CATSPER4: variants seen among roughly 807,000 people sequenced by gnomAD.
CATSPER4 encodes cation channel sperm associated 4, also known as cation channel sperm-associated protein 4.
A neutral mutation model predicts 54.4 loss-of-function variants in CATSPER4; 46 were observed. The observed-to-expected ratio is 0.84, with a 90% CI of 0.67 to 1.08. CATSPER4 has a LOEUF of 1.08. Among genes scored for constraint, CATSPER4 ranks in the 50% least tolerant of loss-of-function variants. CATSPER4 has a pLI of 0.00. For missense variants in CATSPER4, 574 were observed against 612.8 expected (o/e 0.94, Z 0.67); for synonymous variants, 230 against 231.9 (o/e 0.99, Z 0.08).
chr1:26,193,692 C>A, intron 2 of CATSPER4, 95 bp from the exon 3 acceptor site: 1 of 796,728 alleles, frequency 1.3e-6, no homozygotes, highest in Non-Finnish European at 2.3e-6. Flanking sequence ...TGATACGGGA[C>A]TTCCCTCCCC....
chr1:26,201,385 A>G lies in CATSPER4; in HGVS notation c.1231A>G (p.Asn411Asp). 2.5e-6 allele frequency: 4 copies of G among 1,614,144 alleles called. No homozygotes were observed. Among genetic ancestry groups the G allele is most frequent in the Non-Finnish European group, 3.4e-6 (4 of 1,180,010 alleles). ...IVEEVRAIRF[N>D]QEQESEVLNR... ...GGAGGAGGTGCGCGCAATCCGCTTC[A>G]ACCAGGAGCAGGAGTCAGAGGTGTT... is the stretch of plus-strand genomic sequence containing the variant. The change falls in exon 9 of 10, where the codon AAC (asparagine) becomes GAC (aspartate). Residue 411 changes from asparagine (N) to aspartate (D), a missense_variant. Transcript: ENST00000456354.
At chr1:26,194,877 A>G (rs1304271544) in intron 3 of CATSPER4, among the ~76,000 whole-genome samples, 1 of 152,090 alleles carries the variant, frequency 6.6e-6, no homozygotes, top group East Asian at 1.9e-4. Context: ...ACTTGAGGCT[A>G]GGAGTTTGAG....
At chr1:26,202,456 G>T (rs890507997) in intron 9 of CATSPER4, 33 bp from the exon 10 acceptor site, 6 of 1,599,220 alleles carry the variant, frequency 3.8e-6, no homozygotes, top group Non-Finnish European at 5.1e-6. Flanking sequence ...CGGGGGGAGT[G>T]GGGGATTAAC....
intron 6 of CATSPER4, among the ~76,000 whole-genome samples, chr1:26,198,956 G>C (rs1258477977): frequency 6.6e-6 from 1 of 152,174 alleles, no homozygotes; most frequent in Non-Finnish European, 1.5e-5. Context: ...TAGAAGCCCA[G>C]TAGATAAAGG....
intron 1 of CATSPER4, 94 bp downstream of exon 1, chr1:26,190,934 C>A: frequency 1.6e-6 from 2 of 1,230,688 alleles, no homozygotes; most frequent in Non-Finnish European, 2.3e-6. Flanking sequence ...ACCCTCTAAA[C>A]GCCCCCAGAA....
rs1280625768 is a variant in CATSPER4 at position 26,201,490 on chromosome 1, T to C, written c.1336T>C (p.Leu446=). 1 of 1,613,894 alleles carries C rather than the reference T, an allele frequency of 6.2e-7. No homozygotes were observed. The highest frequency in any genetic ancestry group is 1.7e-5 in the Admixed American group (1 of 60,010). Residue 446 remains leucine, a synonymous_variant, in exon 9 of 10, where the codon TTG becomes CTG. Coordinates refer to ENST00000456354, the MANE Select transcript of CATSPER4 (RefSeq NM_198137.2). ...DIRQMSQQQD[L]LSALVSMEKV... is the part of the protein sequence containing the mutation. ...CCGCCAGATGTCTCAACAGCAAGAC[T>C]TGCTCAGTGCGCTCGTTAGCATGGA...
chr1:26,200,210 C>A (rs1230218772), intron 7 of CATSPER4, 152 bp downstream of exon 7: 7 of 825,008 alleles, frequency 8.5e-6, no homozygotes, highest in Non-Finnish European at 1.1e-5. Context: ...ATCTTGAGTG[C>A]CCACCCACCA....
rs918942442 is a variant in CATSPER4, at chr1:26,200,065, G to A, written c.987+7G>A. The stretch of plus-strand genomic sequence containing the variant: ...ACGAATAACCTTTAGTGAGGTGCGT[G>A]GGATGGGGAGGGCAGAAGGGAGGAA... On this transcript the variant is annotated splice_region_variant and intron_variant, in intron 7 of 9. Transcript: ENST00000456354. 1.2e-6 allele frequency: 2 copies of A among 1,611,432 alleles called. No individual in the cohort carries two copies. Among genetic ancestry groups the A allele is most frequent in the Non-Finnish European group, 1.7e-6 (2 of 1,178,656 alleles).
In CATSPER4 at chr1:26,200,867, C is replaced by T. The variant is rs755261081; in HGVS notation, c.1025C>T (p.Pro342Leu). Residue 342 changes from proline to leucine, a missense_variant, in exon 8 of 10, where the codon CCA (proline) becomes CTA (leucine). Transcript: ENST00000456354. ...AEEEEENDQLPLVHCVVARSE... is the reference protein window; with the variant it reads ...AEEEEENDQLLLVHCVVARSE... ...GAAGAGGAGGAGAATGACCAGCTGC[C>T]ACTGGTGCATTGTGTGGTCGCCCGC... 3.1e-6 allele frequency: 5 copies of T among 1,614,002 alleles called. No individual in the cohort carries two copies. The highest frequency in any genetic ancestry group is 1.3e-5 in the African/African-American group (1 of 74,924).
rs41310785 is a variant in CATSPER4, at chr1:26,201,393, G to A, written c.1239G>A (p.Glu413=). ...TGCGCGCAATCCGCTTCAACCAGGA[G>A]CAGGAGTCAGAGGTGTTGAACAGGC... ...EEVRAIRFNQ[E]QESEVLNRRS... is the part of the protein sequence containing the mutation. Residue 413 remains glutamate, a synonymous_variant, in exon 9 of 10, where the codon GAG becomes GAA. Coordinates refer to ENST00000456354, the MANE Select transcript of CATSPER4 (RefSeq NM_198137.2). The A allele has an allele frequency of 0.078, 125,286 of 1,614,046 alleles. 5,765 individuals are homozygous for A. The highest frequency in any genetic ancestry group is 0.093 in the Non-Finnish European group (109,867 of 1,179,942).
At chr1:26,192,989 C>T (rs2088889193) in intron 2 of CATSPER4, among the ~76,000 whole-genome samples, 1 of 151,760 alleles carries the variant, frequency 6.6e-6, no homozygotes, top group Admixed American at 6.6e-5. Context: ...ATAATCCCAG[C>T]TACTTGGGAG....
At chr1:26,198,113 C>A in intron 5 of CATSPER4, 36 bp downstream of exon 5, 1 of 1,614,212 alleles carries the variant, frequency 6.2e-7, no homozygotes, top group African/African-American at 1.3e-5. Context: ...TGTTTCCCTT[C>A]CCTGAACAGG....
chr1:26,199,832 C>T, intron 6 of CATSPER4, 52 bp from the exon 7 acceptor site: 1 of 1,597,532 alleles, frequency 6.3e-7, no homozygotes, highest in Non-Finnish European at 8.6e-7. Context: ...GACAAGGAAA[C>T]TCAGGCTTGA....
At chr1:26,199,166 A>T (rs1377695052) in intron 6 of CATSPER4, among the ~76,000 whole-genome samples, 1 of 151,968 alleles carries the variant, frequency 6.6e-6, no homozygotes, top group Non-Finnish European at 1.5e-5. Flanking sequence ...AGCCCAGTGC[A>T]GTGGCTCACA....
At position 26,190,750 on chromosome 1, in the gene CATSPER4, C is replaced by T. The variant is rs569267025; in HGVS notation, c.123C>T (p.Arg41=). Residue 41 remains arginine, a synonymous_variant, in exon 1 of 10, where the codon CGC becomes CGT. Coordinates refer to ENST00000456354, the MANE Select transcript of CATSPER4 (RefSeq NM_198137.2). ...GGGCAGTAGCTGCACTGAGGGGCCG[C>T]CCCTCTCCCCTGCAGAGTACCATTC... ...FGGAVAALRG[R]PSPLQSTIHE... The T allele has an allele frequency of 1.7e-4, 279 of 1,613,448 alleles. No individual in the cohort carries two copies. The South Asian group carries it at 2.9e-3, about 17-fold the overall frequency.
chr1:26,200,992 A>G lies in CATSPER4; in HGVS notation c.1150A>G (p.Ile384Val). The G allele has an allele frequency of 6.2e-7, 1 of 1,614,166 alleles. No individual in the cohort carries two copies. The highest frequency in any genetic ancestry group is 1.1e-5 in the South Asian group (1 of 91,088). The change falls in exon 8 of 10, where the codon ATA (isoleucine) becomes GTA (valine). Residue 384 changes from isoleucine to valine, a missense_variant. Ile to Val is a conservative substitution (Grantham distance 29). Coordinates refer to ENST00000456354, the MANE Select transcript of CATSPER4 (RefSeq NM_198137.2). The stretch of plus-strand genomic sequence containing the variant: ...CAACTTTTGCTTGGTGCTTGAGGCA[A>G]TACAGGAGAACCTGAGGCAGTACAA... ...CDNFCLVLEA[I>V]QENLRQYKEI...
rs1198012081 is a variant in CATSPER4, at chr1:26,201,183, A to G, written c.1199+142A>G. ...GGTCCCCCACCCTATTGGTGGAGGA[A>G]CTGGAATCCAGACTCCAGGTTCCTT... On this transcript the variant is annotated intron_variant, in intron 8 of 9. Coordinates refer to ENST00000456354, the MANE Select transcript of CATSPER4 (RefSeq NM_198137.2). 1.2e-5 allele frequency: 11 copies of G among 936,376 alleles called. No individual in the cohort carries two copies. The Admixed American group carries it at 1.7e-4, about 14-fold the overall frequency. The allele number at this position is 936,376 out of a possible 1,614,324, so 58.0% of individuals were successfully genotyped here.
chr1:26,190,985 A>G, intron 1 of CATSPER4, 145 bp downstream of exon 1: 1 of 791,670 alleles, frequency 1.3e-6, no homozygotes. Context: ...TGCCCATGAT[A>G]TGTTAGTAAC....
At chr1:26,200,738 TA>T in intron 7 of CATSPER4, 91 bp from the exon 8 acceptor site, 1 of 999,930 alleles carries the variant, frequency 1.0e-6, no homozygotes, top group Non-Finnish European at 1.6e-6. Context: ...CCTGGGGTCC[TA>T]AGAGACTCAT....
Sources: allele counts gnomAD v4.1 joint callset (sites outside exome capture counted in the v4.1 genomes callset), GRCh38; gene constraint gnomAD v4.1.1; transcripts MANE v1.5; gene names NCBI Gene and HGNC (gene_info 2026-07-23, HGNC 2026-07-21).